The following NPHP4 variants were observed in gnomAD, a reference collection of about 807,000 sequenced individuals.
The protein encoded by NPHP4 is nephrocystin 4.
A neutral mutation model predicts 155.8 loss-of-function variants in NPHP4; 151 were observed. The observed-to-expected ratio is 0.97, with a 90% CI of 0.85 to 1.11. NPHP4 has a LOEUF of 1.11. Among genes scored for constraint, NPHP4 ranks in the 50% least tolerant of loss-of-function variants. The pLI is 0.00. For synonymous variants in NPHP4, 845 were observed against 816.8 expected, an observed-to-expected ratio of 1.03 and a Z score of -0.59; for missense variants, 1,956 against 1,925.7, an observed-to-expected ratio of 1.02 and a Z score of -0.29.
In NPHP4 at chr1:5,986,304, G is replaced by C; in HGVS notation, c.-15C>G. The C allele has an allele frequency of 2.5e-6, 4 of 1,612,730 alleles. No individual in the cohort carries two copies. The highest frequency in any genetic ancestry group is 3.4e-6 in the Non-Finnish European group (4 of 1,179,286). On this transcript the variant is annotated 5_prime_UTR_variant, in exon 2 of 30. Transcript: ENST00000378156. ...CAGTCGTTCATCCTGCCCGCCTGAG[G>C]GTCCCGTGGGCTTCCCGGATGATCT...
chr1:5,877,360 A>G (rs1360610869), intron 19 of NPHP4, 62 bp from the exon 20 acceptor site: 1 of 1,431,108 alleles, frequency 7.0e-7, no homozygotes, highest in Non-Finnish European at 9.5e-7. Flanking sequence ...AGGAGCAGAC[A>G]CCAGGGCAGG....
chr1:5,931,181 T>C (rs1041935040), intron 10 of NPHP4, among the ~76,000 whole-genome samples: 1 of 152,198 alleles, frequency 6.6e-6, no homozygotes, highest in Non-Finnish European at 1.5e-5. Flanking sequence ...AGACAGTATA[T>C]AGTTGGGCTT....
rs1484819847 is a variant in NPHP4 at position 5,874,892 on chromosome 1, A to G, written c.3026T>C (p.Ile1009Thr). Residue 1009 changes from isoleucine to threonine, a missense_variant, in exon 21 of 30, where the codon ATC becomes ACC. Ile to Thr is a moderately conservative substitution (Grantham distance 89). Transcript: ENST00000378156. The part of the protein sequence containing the change: ...HNTQHTVTVE[I>T]DNPELSVIVD... The stretch of plus-strand genomic sequence containing the variant: ...ACCTCACCTGAGCTCGGGGTTGTCG[A>G]TCTCCACAGTCACCGTGTGCTGTGT... 4 of 1,613,622 alleles carry G rather than the reference A, an allele frequency of 2.5e-6. No individual in the cohort carries two copies. The East Asian group carries it at 8.9e-5, about 36-fold the overall frequency.
chr1:5,980,366 G>A (rs978965184), intron 2 of NPHP4, among the ~76,000 whole-genome samples: 11 of 152,310 alleles, frequency 7.2e-5, no homozygotes, highest in South Asian at 2.1e-4. Context: ...AAAGCCCACC[G>A]GACTGCAGCA....
At chr1:5,950,825 C>T (rs1252011257) in intron 7 of NPHP4, among the ~76,000 whole-genome samples, 2 of 152,116 alleles carry the variant, frequency 1.3e-5, no homozygotes, top group African/African-American at 4.8e-5. Flanking sequence ...AGTCAGGATA[C>T]ACATGGAAGA....
At chr1:5,864,281 C>T in intron 28 of NPHP4, 57 bp downstream of exon 28, 1 of 1,490,060 alleles carries the variant, frequency 6.7e-7, no homozygotes, top group Non-Finnish European at 9.1e-7. Flanking sequence ...GGGGGTCCTG[C>T]AGTGCCCTGG....
intron 9 of NPHP4, among the ~76,000 whole-genome samples, chr1:5,938,863 G>A (rs1239188606): frequency 3.9e-5 from 6 of 152,282 alleles, no homozygotes; most frequent in Middle Eastern, 3.4e-3. Flanking sequence ...TTCATCAAAC[G>A]AATCTTCGGC....
chr1:5,868,031 C>T (rs577863425), intron 23 of NPHP4, 135 bp from the exon 24 acceptor site: 13 of 955,242 alleles, frequency 1.4e-5, no homozygotes, highest in African/African-American at 1.1e-4. Context: ...CGGGGAAGGT[C>T]GGGCATCGTC....
In NPHP4 at chr1:5,866,372, C is replaced by G. The variant is rs756111113; in HGVS notation, c.3644+1G>C. The stretch of plus-strand genomic sequence containing the variant: ...CAGGTCCCCAAAGCCTGTGCACTTA[C>G]GAGTAAATGATGACAAAGAAGTCTT... On this transcript the variant is annotated splice_donor_variant, in intron 26 of 29. Transcript: ENST00000378156. LOFTEE classifies it high-confidence loss of function. 3 of 1,596,392 alleles carry G rather than the reference C, an allele frequency of 1.9e-6. No homozygotes were observed. The highest frequency in any genetic ancestry group is 2.6e-6 in the Non-Finnish European group (3 of 1,167,056).
chr1:5,900,935 T>G (rs1358410133), intron 16 of NPHP4, among the ~76,000 whole-genome samples: 2 of 151,902 alleles, frequency 1.3e-5, no homozygotes, highest in Non-Finnish European at 2.9e-5. Flanking sequence ...ATGTGGGGGC[T>G]AAGGTGGGAG....
In NPHP4 at chr1:5,892,907, G is replaced by C. The variant is rs938804235; in HGVS notation, c.2144-1879C>G. 1.3e-5 allele frequency among the ~76,000 whole-genome samples: 2 copies of C among 152,122 alleles called. No individual in the cohort carries two copies. Among genetic ancestry groups the C allele is most frequent in the Non-Finnish European group, 2.9e-5 (2 of 68,024 alleles). On this transcript the variant is annotated intron_variant, in intron 16 of 29. Coordinates refer to ENST00000378156, the MANE Select transcript of NPHP4 (RefSeq NM_015102.5). This position sits in a 1 kb window ranked among gnomAD's most constrained non-coding sequence, Gnocchi z 4.5. ...CTTCACAAACACCACGCCCCAGCCCGGCTGGAATCCTCACTGCTTCTGGGG... is the reference window on the plus strand; with the variant it reads ...CTTCACAAACACCACGCCCCAGCCCCGCTGGAATCCTCACTGCTTCTGGGG...
chr1:5,864,820 C>T (rs182451281), intron 27 of NPHP4: 3 of 541,668 alleles, frequency 5.5e-6, no homozygotes, highest in African/African-American at 1.9e-5. Context: ...CCTCCCACCC[C>T]GTCTAACTGT....
In NPHP4 at chr1:5,880,198, G is replaced by C. The variant is rs775263560; in HGVS notation, c.2527C>G (p.Pro843Ala). ...EQKVRGCSTL[P>A]PSRSRVISND... The stretch of plus-strand genomic sequence containing the variant: ...GAGATGACCCGAGATCTGGACGGTG[G>C]CAATGTGCTACAACCTCTCACTTTC... Residue 843 changes from proline (P) to alanine (A), a missense_variant, in exon 19 of 30, where the codon CCA becomes GCA. Transcript: ENST00000378156. The C allele has an allele frequency of 5.0e-6, 8 of 1,613,524 alleles. No homozygotes were observed. The Admixed American group carries it at 5.0e-5, about 10-fold the overall frequency.
rs1173579405 is a variant in NPHP4 at position 5,863,203 on chromosome 1, G to A, written c.*62C>T. ...GAGAGGCGGGGAGGACAGCCTGCAGGGCAGGAGGGGCACAGACAGGCCCCA... is the reference window on the plus strand; with the variant it reads ...GAGAGGCGGGGAGGACAGCCTGCAGAGCAGGAGGGGCACAGACAGGCCCCA... On this transcript the variant is annotated 3_prime_UTR_variant, in exon 30 of 30. Transcript: ENST00000378156. 7 of 1,575,858 alleles carry A rather than the reference G, an allele frequency of 4.4e-6. No individual in the cohort carries two copies. Among genetic ancestry groups the A allele is most frequent in the Non-Finnish European group, 5.2e-6 (6 of 1,146,150 alleles).
intron 1 of NPHP4, among the ~76,000 whole-genome samples, chr1:5,989,634 TATA>T (rs1473177955): frequency 6.6e-6 from 1 of 152,256 alleles, no homozygotes; most frequent in Non-Finnish European, 1.5e-5. Context: ...ACTGATGTTT[TATA>T]ACATTCAGAA....
chr1:5,964,909 CATATATATTATATATATATATATAT>C (rs1187450240), intron 5 of NPHP4, among the ~76,000 whole-genome samples: 6 of 108,122 alleles, frequency 5.5e-5, no homozygotes, highest in Admixed American at 2.1e-4. Flanking sequence ...ATATATAATA[CATATATATTATATATATATATATAT>C]ATATATATTT....
Position 5,867,363 on chromosome 1 carries a change from G to C in NPHP4, c.3473-248C>G. ...CATCTCCACAGGGAATAATCGAGGGGGCCACAAAAAAGAAAACACAGCTCC... is the reference window on the plus strand; with the variant it reads ...CATCTCCACAGGGAATAATCGAGGGCGCCACAAAAAAGAAAACACAGCTCC... On this transcript the variant is annotated intron_variant, in intron 24 of 29. Coordinates refer to ENST00000378156, the MANE Select transcript of NPHP4 (RefSeq NM_015102.5). This position sits in a 1 kb window ranked among gnomAD's most constrained non-coding sequence, Gnocchi z 4.1. The C allele has an allele frequency of 1.8e-6, 1 of 547,776 alleles. No homozygotes were observed. The allele number at this position is 547,776 out of a possible 1,614,324, so 33.9% of individuals were successfully genotyped here. A position where few individuals can be genotyped will look rare whatever the true frequency, so the allele number is the denominator to read the frequency against.
Position 5,864,423 on chromosome 1 carries a change from T to C in NPHP4, c.3911A>G (p.His1304Arg), listed in dbSNP as rs115488133. 2.5e-4 allele frequency: 408 copies of C among 1,611,438 alleles called. 1 individual carries two copies. In the African/African-American group the frequency reaches 4.9e-3, roughly 19 times the overall value. ...GCAATCCACGTCCACCAGGTTGAGA[T>C]GGACAAAGCGGCTGCCGGCCCTAAG... Reference protein sequence around the residue: ...RPLRAGSRFVHLNLVDVDCHQ... With the variant: ...RPLRAGSRFVRLNLVDVDCHQ... Residue 1304 changes from histidine to arginine, a missense_variant, in exon 28 of 30, where the codon CAT (histidine) becomes CGT (arginine). Coordinates refer to ENST00000378156, the MANE Select transcript of NPHP4 (RefSeq NM_015102.5).
At chr1:5,919,265 A>G (rs908719560) in intron 11 of NPHP4, among the ~76,000 whole-genome samples, 8 of 152,244 alleles carry the variant, frequency 5.3e-5, no homozygotes, top group African/African-American at 1.9e-4. Context: ...CAAGATGGAC[A>G]TAACTGTAAA....
Sources: gnomAD v4.1 joint callset for allele counts (sites outside exome capture counted in the v4.1 genomes callset) on GRCh38, gnomAD v4.1.1 for gene constraint, Gnocchi (gnomAD v3.1) non-coding constraint, MANE v1.5 for transcripts, NCBI Gene and HGNC (gene_info 2026-07-23, HGNC 2026-07-21) for gene names.